KCNQ1: variants seen among roughly 807,000 people sequenced by gnomAD.
The protein encoded by KCNQ1 is potassium voltage-gated channel subfamily Q member 1.
In KCNQ1, 49 loss-of-function variants were observed where a neutral mutation model predicts 72.4. The observed-to-expected ratio is 0.68, with a 90% confidence interval of 0.54 to 0.86. The LOEUF is 0.86. Among genes scored for constraint, KCNQ1 ranks in the 40% least tolerant of loss-of-function variants. The pLI is 0.00. For synonymous variants in KCNQ1, 450 were observed against 412.6 expected, an observed-to-expected ratio of 1.09 and a Z score of -1.10; for missense variants, 790 against 945.1, an observed-to-expected ratio of 0.84 and a Z score of 2.15.
Position 2,627,651 on chromosome 11 carries a change from TATTTC to T in KCNQ1, c.1394-34306_1394-34302del, listed in dbSNP as rs1375472464. On this transcript the variant is annotated intron_variant, in intron 10 of 15. Transcript: ENST00000155840. This position sits in a 1 kb window ranked among gnomAD's most constrained non-coding sequence, Gnocchi z 4.9. The stretch of plus-strand genomic sequence containing the variant: ...GATTTCCTGCTTTTTAAAGGATGAA[TATTTC>T]ATTGTGTGTGTGTATATATGTGTGT... 17 of 398,490 alleles carry T rather than the reference TATTTC, an allele frequency of 4.3e-5. No homozygotes were observed. The South Asian group carries it at 5.1e-4, about 12-fold the overall frequency. 24.7% of individuals were successfully genotyped at this position (398,490 alleles called of 1,614,324 possible). A position where few individuals can be genotyped will look rare whatever the true frequency, so the allele number is the denominator to read the frequency against.
intron 15 of KCNQ1, 80 bp downstream of exon 15, chr11:2,778,117 A>G: frequency 7.2e-7 from 1 of 1,384,416 alleles, no homozygotes; most frequent in South Asian, 1.2e-5. Context: ...CTGCGTGTGA[A>G]CGTGAAGCTC....
At position 2,848,627 on chromosome 11, in the gene KCNQ1, C is replaced by G. The variant is rs751354814; in HGVS notation, c.*624C>G. On this transcript the variant is annotated 3_prime_UTR_variant, in exon 16 of 16. Transcript: ENST00000155840. ...CAGGAGGGACAGTCTCACCATTTCCCCAGGGCACGTGGTTGAGTGGGGGGA... is the reference window on the plus strand; with the variant it reads ...CAGGAGGGACAGTCTCACCATTTCCGCAGGGCACGTGGTTGAGTGGGGGGA... 1 of 452,524 alleles carries G rather than the reference C, an allele frequency of 2.2e-6. No homozygotes were observed. The highest frequency in any genetic ancestry group is 2.0e-5 in the African/African-American group (1 of 50,112). 28.0% of individuals were successfully genotyped at this position (452,524 alleles called of 1,614,324 possible).
At chr11:2,758,410 T>G (rs1177790683) in intron 11 of KCNQ1, among the ~76,000 whole-genome samples, 6 of 152,210 alleles carry the variant, frequency 3.9e-5, no homozygotes, top group Non-Finnish European at 5.9e-5. Context: ...ACACCAAATG[T>G]TGGCGAGGAT....
Position 2,747,666 on chromosome 11 carries a change from G to T in KCNQ1, c.1515-21178G>T, listed in dbSNP as rs561786385. Among the ~76,000 whole-genome samples, 4 of 152,354 alleles carry T rather than the reference G, an allele frequency of 2.6e-5. No individual in the cohort carries two copies. The South Asian group carries it at 8.3e-4, about 32-fold the overall frequency. ...AGAGGAAAGGAAGATGGCTTTGGGG[G>T]TGGACACGTCTGGGCAGGCTTCTTG... On this transcript the variant is annotated intron_variant, in intron 11 of 15. Transcript: ENST00000155840.
At chr11:2,461,395 A>G in intron 1 of KCNQ1, 1 of 1,263,916 alleles carries the variant, frequency 7.9e-7, no homozygotes, top group Non-Finnish European at 1.0e-6. Flanking sequence ...GGAGGAGATA[A>G]GCCTGCTGAC....
chr11:2,650,071 C>T (rs908633146), intron 10 of KCNQ1: 1 of 398,208 alleles, frequency 2.5e-6, no homozygotes, highest in Non-Finnish European at 4.4e-6. Context: ...ACTTAGCCGG[C>T]TTTTGAAGCT....
chr11:2,570,826 C>G (rs1272810358), intron 3 of KCNQ1, 72 bp downstream of exon 3: 2 of 1,593,642 alleles, frequency 1.3e-6, no homozygotes, highest in Non-Finnish European at 1.7e-6. Flanking sequence ...CTCATGACCC[C>G]TACCAGATGG....
intron 1 of KCNQ1, chr11:2,461,319 T>A: frequency 1.2e-6 from 1 of 861,082 alleles, no homozygotes; most frequent in Non-Finnish European, 1.6e-6. Flanking sequence ...AGCAGATTTG[T>A]AGTCTGGTTG....
At chr11:2,692,897 C>A in intron 11 of KCNQ1, 1 of 398,622 alleles carries the variant, frequency 2.5e-6, no homozygotes, top group South Asian at 1.3e-4. Flanking sequence ...AGCAAGCTGG[C>A]TAAAATCAAC....
intron 15 of KCNQ1, among the ~76,000 whole-genome samples, chr11:2,844,291 T>C (rs2001170): frequency 0.12 from 18,318 of 152,184 alleles, 1,429 homozygotes; most frequent in East Asian, 0.31. Flanking sequence ...GCATGATGCA[T>C]CAGACTGTGG....
rs1347759201 is a variant in KCNQ1 at position 2,817,138 on chromosome 11, G to T, written c.1795-30629G>T. 6.6e-6 allele frequency among the ~76,000 whole-genome samples: 1 copy of T among 152,174 alleles called. No individual in the cohort carries two copies. Among genetic ancestry groups the T allele is most frequent in the East Asian group, 1.9e-4 (1 of 5,176 alleles). ...GTGGCGCCAGCCTGCACCCGGCTCT[G>T]CTCCACAGGCCAACTCTGCGCACGC... is the stretch of plus-strand genomic sequence containing the variant. On this transcript the variant is annotated intron_variant, in intron 15 of 15. Coordinates refer to ENST00000155840, the MANE Select transcript of KCNQ1 (RefSeq NM_000218.3). This position sits in a 1 kb window ranked among gnomAD's most constrained non-coding sequence, Gnocchi z 6.1.
At chr11:2,531,255 TAGACGTGCC>T (rs1202951636) in intron 2 of KCNQ1, among the ~76,000 whole-genome samples, 273 of 148,892 alleles carry the variant, frequency 1.8e-3, no homozygotes, top group African/African-American at 5.9e-3. Flanking sequence ...GCTCGAGAAT[TAGACGTGCC>T]CTGGGCTCCA....
intron 15 of KCNQ1, among the ~76,000 whole-genome samples, chr11:2,846,024 G>A (rs570090661): frequency 6.6e-6 from 1 of 152,296 alleles, no homozygotes; most frequent in African/African-American, 2.4e-5. Flanking sequence ...CCCGGGGCTT[G>A]TGCCCACGTC....
At chr11:2,455,234 A>T (rs1412867465) in intron 1 of KCNQ1, among the ~76,000 whole-genome samples, 5 of 152,066 alleles carry the variant, frequency 3.3e-5, no homozygotes, top group African/African-American at 1.2e-4. Context: ...AGTAGCTGGG[A>T]CAACAGGCGT....
chr11:2,798,948 G>C (rs912125873), intron 15 of KCNQ1, among the ~76,000 whole-genome samples: 1 of 152,148 alleles, frequency 6.6e-6, no homozygotes, highest in African/African-American at 2.4e-5. Context: ...AGGAAGGAGA[G>C]CAGAGGGTAC....
chr11:2,737,627 G>C (rs1379071997), intron 11 of KCNQ1, among the ~76,000 whole-genome samples: 2 of 152,234 alleles, frequency 1.3e-5, no homozygotes, highest in Non-Finnish European at 2.9e-5. Context: ...TCACGGCGAA[G>C]AAGCTTTGTG....
chr11:2,795,231 A>T (rs182079447), intron 15 of KCNQ1, among the ~76,000 whole-genome samples: 17 of 152,312 alleles, frequency 1.1e-4, no homozygotes, highest in African/African-American at 3.8e-4. Flanking sequence ...AGTGGTGGCT[A>T]TGAACTGGAG....
At chr11:2,521,443 CTCT>C (rs770455924) in intron 1 of KCNQ1, 2 of 459,984 alleles carry the variant, frequency 4.3e-6, no homozygotes, top group South Asian at 3.1e-5. Context: ...ACTGACAAAA[CTCT>C]TCAAGTATTA....
intron 15 of KCNQ1, among the ~76,000 whole-genome samples, chr11:2,843,371 G>A (rs1003457226): frequency 1.3e-5 from 2 of 152,242 alleles, no homozygotes; most frequent in African/African-American, 4.8e-5. Context: ...CTTAGTAACT[G>A]CTGGTTCCTC....
Sources: gnomAD v4.1 joint callset for allele counts (sites outside exome capture counted in the v4.1 genomes callset) on GRCh38, gnomAD v4.1.1 for gene constraint, Gnocchi (gnomAD v3.1) non-coding constraint, MANE v1.5 for transcripts, NCBI Gene and HGNC (gene_info 2026-07-23, HGNC 2026-07-21) for gene names.